Variants in RANBP2 observed in about 807,000 individuals in gnomAD.
RANBP2 encodes the protein RAN binding protein 2, also known as E3 SUMO-protein ligase RanBP2.
RANBP2 carries 57 observed loss-of-function variants against 303.6 expected under a neutral mutation model. The observed-to-expected ratio is 0.19, with a 90% CI of 0.15 to 0.23. The LOEUF is 0.23. RANBP2 is among the 10% of genes least tolerant of loss of function. RANBP2 has a pLI of 1.00. For synonymous variants in RANBP2, 1,167 were observed against 1,301.5 expected (o/e 0.90, Z 2.23); for missense variants, 3,138 against 3,780.8 (o/e 0.83, Z 4.46).
At chr2:109,343,379 T>C in the RANBP2 span, among the ~76,000 whole-genome samples, 1 of 152,168 alleles carries the variant, frequency 6.6e-6, no homozygotes, top group African/African-American at 2.4e-5. Flanking sequence ...TTTTTTTCTT[T>C]CCCTCAGAAA....
the RANBP2 span, among the ~76,000 whole-genome samples, chr2:109,096,778 T>A: frequency 6.6e-6 from 1 of 151,202 alleles, no homozygotes; most frequent in South Asian, 2.1e-4. Flanking sequence ...CTTTTCTATT[T>A]ACAGCTTTTT....
chr2:109,301,607 G>T, the RANBP2 span, among the ~76,000 whole-genome samples: 1 of 152,168 alleles, frequency 6.6e-6, no homozygotes, highest in African/African-American at 2.4e-5. Flanking sequence ...CAGGGCCTCT[G>T]TGGGCTCAGA....
the RANBP2 span, among the ~76,000 whole-genome samples, chr2:108,950,147 G>T: frequency 6.6e-6 from 1 of 152,148 alleles, no homozygotes; most frequent in Non-Finnish European, 1.5e-5. Flanking sequence ...CTACAAGGCA[G>T]AACAGATGAC....
At chr2:109,500,784 A>G in the RANBP2 span, among the ~76,000 whole-genome samples, 9 of 152,048 alleles carry the variant, frequency 5.9e-5, no homozygotes, top group Non-Finnish European at 1.3e-4. Flanking sequence ...CCCCATCTCT[A>G]CAAAAAAAAA....
the RANBP2 span, among the ~76,000 whole-genome samples, chr2:109,121,374 G>A: frequency 2.0e-5 from 3 of 152,174 alleles, 1 homozygote; most frequent in African/African-American, 7.2e-5. Context: ...CTCCTTTCTA[G>A]GAATAAAAAA....
At chr2:109,714,253 T>TG in the RANBP2 span, among the ~76,000 whole-genome samples, 1 of 151,752 alleles carries the variant, frequency 6.6e-6, no homozygotes, top group East Asian at 2.0e-4. Flanking sequence ...ACCTGGCTAA[T>TG]TTGTGTGTGT....
the RANBP2 span, among the ~76,000 whole-genome samples, chr2:108,817,299 CT>C: frequency 9.3e-4 from 134 of 143,944 alleles, no homozygotes; most frequent in Non-Finnish European, 8.3e-4. Flanking sequence ...AATCTTTTTT[CT>C]TTTTTTTTTT....
chr2:109,755,203 G>C, the RANBP2 span, among the ~76,000 whole-genome samples: 2 of 123,232 alleles, frequency 1.6e-5, 1 homozygote, highest in Non-Finnish European at 3.4e-5. Flanking sequence ...CTTGGTGGGG[G>C]GGGGCCCAAG....
chr2:109,225,659 C>T, the RANBP2 span, among the ~76,000 whole-genome samples: 23 of 152,324 alleles, frequency 1.5e-4, 1 homozygote, highest in Admixed American at 1.2e-3. Flanking sequence ...AAAAGATGAC[C>T]GTCTTGTTTC....
the RANBP2 span, among the ~76,000 whole-genome samples, chr2:109,318,969 C>T: frequency 6.6e-6 from 1 of 152,336 alleles, no homozygotes; most frequent in East Asian, 1.9e-4. Flanking sequence ...ATTTGTATTT[C>T]AAGTGTCTGT....
At chr2:108,892,322 A>G in the RANBP2 span, among the ~76,000 whole-genome samples, 1 of 152,154 alleles carries the variant, frequency 6.6e-6, no homozygotes, top group Non-Finnish European at 1.5e-5. Flanking sequence ...CCCAGTGGCA[A>G]CTTACACCCT....
At chr2:109,589,258 T>C in the RANBP2 span, among the ~76,000 whole-genome samples, 8,240 of 152,154 alleles carry the variant, frequency 0.054, 684 homozygotes, top group East Asian at 0.24. Flanking sequence ...TCAGGTCAGG[T>C]GCGGTGGCTC....
At chr2:109,091,913 A>C in the RANBP2 span, among the ~76,000 whole-genome samples, 1 of 152,096 alleles carries the variant, frequency 6.6e-6, no homozygotes, top group South Asian at 2.1e-4. Context: ...ACCGAGTGTC[A>C]TCTGTCTCAG....
the RANBP2 span, among the ~76,000 whole-genome samples, chr2:109,598,239 T>C: frequency 6.6e-6 from 1 of 151,912 alleles, no homozygotes; most frequent in East Asian, 2.0e-4. Context: ...GGCTAACTTT[T>C]GTATTTTTAT....
chr2:109,574,629 G>A, the RANBP2 span: 1 of 1,605,274 alleles, frequency 6.2e-7, no homozygotes, highest in Non-Finnish European at 8.5e-7. Flanking sequence ...TCTTCAGAGA[G>A]TGGCCTGTCG....
the RANBP2 span, among the ~76,000 whole-genome samples, chr2:109,219,799 TC>T: frequency 3.3e-5 from 5 of 152,206 alleles, no homozygotes; most frequent in Non-Finnish European, 7.3e-5. Context: ...TGGAAATGCA[TC>T]TCTTGTTCAT....
the RANBP2 span, among the ~76,000 whole-genome samples, chr2:109,642,477 C>T: frequency 1.5e-4 from 23 of 151,880 alleles, no homozygotes; most frequent in South Asian, 4.8e-3. Flanking sequence ...AGGCCGGGAG[C>T]GGTGGCTCAC....
chr2:109,206,551 A>G, the RANBP2 span, among the ~76,000 whole-genome samples: 1 of 148,930 alleles, frequency 6.7e-6, no homozygotes, highest in African/African-American at 2.5e-5. Flanking sequence ...GCTCACACCT[A>G]TAATCCCAGC....
chr2:109,107,224 CTT>C, the RANBP2 span, among the ~76,000 whole-genome samples: 57 of 141,062 alleles, frequency 4.0e-4, 1 homozygote, highest in Middle Eastern at 7.5e-3. Context: ...CGCACCCAGC[CTT>C]TTTTTTTTTT....
Sources: gnomAD v4.1 joint callset for allele counts (sites outside exome capture counted in the v4.1 genomes callset) on GRCh38, gnomAD v4.1.1 for gene constraint, MANE v1.5 for transcripts, NCBI Gene and HGNC (gene_info 2026-07-23, HGNC 2026-07-21) for gene names.